Variants in CHD9 observed in about 807,000 individuals in gnomAD.
The protein encoded by CHD9 is chromodomain helicase DNA binding protein 9, also known as ATP-dependent chromatin remodeler CHD9.
CHD9 carries 77 observed loss-of-function variants against 316.1 expected under a neutral mutation model. The ratio of observed to expected loss-of-function variants is 0.24; its 90% CI spans 0.20 to 0.29. CHD9 has a LOEUF of 0.29. Among genes scored for constraint, CHD9 ranks in the 10% least tolerant of loss-of-function variants. The pLI is 1.00. For synonymous variants in CHD9, 1,129 were observed against 1,158.3 expected (o/e 0.97, Z 0.51); for missense variants, 2,763 against 3,438.1 (o/e 0.80, Z 4.91).
intron 22 of CHD9, among the ~76,000 whole-genome samples, chr16:53,270,570 G>T (rs533883538): frequency 1.3e-5 from 2 of 152,188 alleles, no homozygotes; most frequent in Non-Finnish European, 2.9e-5. Context: ...AAGATTGGGG[G>T]TGAACAAAAT....
chr16:53,114,864 G>C (rs2038169012), intron 1 of CHD9, among the ~76,000 whole-genome samples: 1 of 152,200 alleles, frequency 6.6e-6, no homozygotes, highest in Admixed American at 6.5e-5. Flanking sequence ...TGGGATTACA[G>C]GCGTGAGCCA....
chr16:53,314,345 G>A, intron 34 of CHD9, 32 bp from the exon 35 acceptor site: 1 of 1,489,820 alleles, frequency 6.7e-7, no homozygotes, highest in Non-Finnish European at 9.0e-7. Context: ...AACTAAATTT[G>A]TATCACCATT....
At chr16:53,102,591 T>C (rs2036975770) in intron 1 of CHD9, among the ~76,000 whole-genome samples, 1 of 152,124 alleles carries the variant, frequency 6.6e-6, no homozygotes, top group African/African-American at 2.4e-5. Flanking sequence ...GGCTCACACC[T>C]GTAATCTCAG....
intron 2 of CHD9, among the ~76,000 whole-genome samples, chr16:53,188,495 T>A (rs1039886648): frequency 4.6e-5 from 7 of 152,232 alleles, no homozygotes; most frequent in South Asian, 2.1e-4. Context: ...GTCTTTTTTT[T>A]ATTGTAGCCA....
chr16:53,090,301 G>T (rs1391393017), intron 1 of CHD9, among the ~76,000 whole-genome samples: 1 of 152,222 alleles, frequency 6.6e-6, no homozygotes, highest in Non-Finnish European at 1.5e-5. Context: ...GAGCCTGGGA[G>T]AAGGATGGGG....
chr16:53,090,931 T>TGCAGGGATAAGTCTC (rs6145838), intron 1 of CHD9, among the ~76,000 whole-genome samples: 110,710 of 151,518 alleles, frequency 0.73, 40,680 homozygotes, highest in East Asian at 0.82. Flanking sequence ...CTGCCCACCA[T>TGCAGGGATAAGTCTC]GCTCTCACAC....
chr16:53,252,354 A>G (rs1425827895), intron 17 of CHD9, among the ~76,000 whole-genome samples: 1 of 152,206 alleles, frequency 6.6e-6, no homozygotes, highest in Non-Finnish European at 1.5e-5. Context: ...GCCACATGTT[A>G]GAGAATGAAA....
At chr16:53,132,118 T>A (rs1487371479) in intron 1 of CHD9, among the ~76,000 whole-genome samples, 1 of 152,120 alleles carries the variant, frequency 6.6e-6, no homozygotes, top group East Asian at 1.9e-4. Flanking sequence ...GGGGGGTGGT[T>A]TGCTTTTTTT....
At chr16:53,278,369 GCCATAGTCA>G (rs2153026016) in intron 24 of CHD9, among the ~76,000 whole-genome samples, 1 of 152,230 alleles carries the variant, frequency 6.6e-6, no homozygotes, top group East Asian at 1.9e-4. Context: ...GTACTATCAG[GCCATAGTCA>G]CCAAAACAGC....
chr16:53,239,820 A>C (rs2048939131), intron 12 of CHD9, among the ~76,000 whole-genome samples: 1 of 152,160 alleles, frequency 6.6e-6, no homozygotes, highest in East Asian at 1.9e-4. Flanking sequence ...CCTGTCCCTA[A>C]AAAAAGGAAA....
At chr16:53,160,318 C>T (rs890429553) in intron 2 of CHD9, among the ~76,000 whole-genome samples, 3 of 151,914 alleles carry the variant, frequency 2.0e-5, no homozygotes, top group Admixed American at 2.0e-4. Flanking sequence ...ACATGTTTCC[C>T]GGGCTTTAAA....
At chr16:53,117,652 G>T (rs2038420598) in intron 1 of CHD9, among the ~76,000 whole-genome samples, 1 of 151,932 alleles carries the variant, frequency 6.6e-6, no homozygotes, top group African/African-American at 2.4e-5. Context: ...CCGACCTCAG[G>T]TAATCTACCT....
chr16:53,209,351 G>A (rs8053957), intron 2 of CHD9, 131 bp from the exon 3 acceptor site: 5 of 640,118 alleles, frequency 7.8e-6, no homozygotes, highest in Non-Finnish European at 1.3e-5. Flanking sequence ...TTTTAAATTT[G>A]TTTGTAGCAC....
chr16:53,140,737 G>A (rs1195810979), intron 1 of CHD9, among the ~76,000 whole-genome samples: 2 of 152,258 alleles, frequency 1.3e-5, no homozygotes, highest in African/African-American at 2.4e-5. Flanking sequence ...ACAGGCACAT[G>A]CCAACACACC....
chr16:53,237,943 G>A (rs2048770023), intron 11 of CHD9, among the ~76,000 whole-genome samples: 4 of 151,742 alleles, frequency 2.6e-5, no homozygotes. Context: ...TTATTTATTT[G>A]CATGTCAGCT....
rs752342422 is a variant in CHD9 at position 53,238,562 on chromosome 16, C to T, written c.2853C>T (p.Tyr951=). The part of the protein sequence containing the change: ...SLISRQMIQQ[Y]EMYFRDSQGR... The stretch of plus-strand genomic sequence containing the variant: ...TTAGCAGACAAATGATACAGCAATA[C>T]GAGATGTACTTCAGGGATTCACAGG... Residue 951 remains tyrosine, a synonymous_variant, in exon 12 of 39, where the codon TAC becomes TAT. Coordinates refer to ENST00000447540, the MANE Select transcript of CHD9 (RefSeq NM_001308319.2). The T allele has an allele frequency of 2.2e-5, 36 of 1,613,014 alleles. No individual in the cohort carries two copies. Among genetic ancestry groups the T allele is most frequent in the Non-Finnish European group, 2.8e-5 (33 of 1,179,250 alleles).
intron 4 of CHD9, among the ~76,000 whole-genome samples, chr16:53,224,351 T>C (rs1456303922): frequency 6.6e-6 from 1 of 152,226 alleles, no homozygotes; most frequent in Non-Finnish European, 1.5e-5. Context: ...GTGAGAATGA[T>C]ACCTTATTTG....
chr16:53,268,189 T>C (rs1320449371), intron 22 of CHD9, 63 bp downstream of exon 22: 1 of 1,078,200 alleles, frequency 9.3e-7, no homozygotes, highest in African/African-American at 1.6e-5. Context: ...ATACTTAACA[T>C]ATTCTCCTAT....
At chr16:53,276,866 A>G (rs761961758) in intron 24 of CHD9, among the ~76,000 whole-genome samples, 1 of 152,182 alleles carries the variant, frequency 6.6e-6, no homozygotes, top group Non-Finnish European at 1.5e-5. Context: ...TAGCAAGATT[A>G]ACCAAGAAAA....
Sources: gnomAD v4.1 joint callset for allele counts (sites outside exome capture counted in the v4.1 genomes callset) on GRCh38, gnomAD v4.1.1 for gene constraint, MANE v1.5 for transcripts, NCBI Gene and HGNC (gene_info 2026-07-23, HGNC 2026-07-21) for gene names.